PTCHD4: variants seen among roughly 807,000 people sequenced by gnomAD.
PTCHD4 encodes the protein patched domain-containing protein 4.
Under a neutral mutation model 58.1 loss-of-function variants are expected in PTCHD4, and 33 were observed. The observed-to-expected ratio is 0.57, with a 90% CI of 0.43 to 0.76. The LOEUF (loss-of-function observed/expected upper bound fraction) is 0.76, where lower values mean the gene tolerates loss of function less well. Among genes scored for constraint, PTCHD4 ranks in the 30% least tolerant of loss-of-function variants. The pLI is 0.00. For missense variants in PTCHD4, 1,058 were observed against 1,027.1 expected (o/e 1.03, Z -0.41); for synonymous variants, 478 against 409.6 (o/e 1.17, Z -2.02).
chr6:48,074,304 T>C (rs1765023492), intron 1 of PTCHD4, among the ~76,000 whole-genome samples: 1 of 152,202 alleles, frequency 6.6e-6, no homozygotes, highest in Non-Finnish European at 1.5e-5. Context: ...ATAGAGCTGG[T>C]TAATTTAGAG....
In PTCHD4 at chr6:48,094,798, G is replaced by T. The variant is rs531433673; in HGVS notation, c.-970+16251C>A. Among the ~76,000 whole-genome samples, 5 of 152,262 alleles carry T rather than the reference G, an allele frequency of 3.3e-5. No individual in the cohort carries two copies. In the South Asian group the frequency reaches 1.0e-3, roughly 32 times the overall value. Reference sequence around the variant, plus strand: ...ATGGTTTCTCTTCCTTGAAATCTCAGCAGGTTAGAGGAAGAAGTGACTTTA... The same window carrying T: ...ATGGTTTCTCTTCCTTGAAATCTCATCAGGTTAGAGGAAGAAGTGACTTTA... On this transcript the variant is annotated intron_variant, in intron 1 of 4. Transcript: ENST00000339488.
At chr6:48,024,275 G>C (rs1162371123) in intron 3 of PTCHD4, among the ~76,000 whole-genome samples, 1 of 151,916 alleles carries the variant, frequency 6.6e-6, no homozygotes, top group East Asian at 1.9e-4. Flanking sequence ...TCAACCCTCA[G>C]CTTACATTAC....
At chr6:48,106,631 G>A (rs572533112) in intron 1 of PTCHD4, among the ~76,000 whole-genome samples, 1 of 152,200 alleles carries the variant, frequency 6.6e-6, no homozygotes, top group Admixed American at 6.5e-5. Context: ...GAAATAAAGG[G>A]CATTCAATTA....
At chr6:48,001,507 G>T (rs1768721173) in intron 4 of PTCHD4, among the ~76,000 whole-genome samples, 1 of 152,212 alleles carries the variant, frequency 6.6e-6, no homozygotes. Flanking sequence ...AAGAACTGGG[G>T]AAAGGATTCC....
At chr6:48,058,567 A>G (rs1302261675) in intron 3 of PTCHD4, among the ~76,000 whole-genome samples, 1 of 152,204 alleles carries the variant, frequency 6.6e-6, no homozygotes. Flanking sequence ...AAAAAAAATT[A>G]TTAAAAAATA....
intron 4 of PTCHD4, among the ~76,000 whole-genome samples, chr6:47,931,716 T>C (rs573488421): frequency 6.6e-6 from 1 of 152,296 alleles, no homozygotes; most frequent in African/African-American, 2.4e-5. Flanking sequence ...AATAAACATA[T>C]AGATTCTTCC....
intron 4 of PTCHD4, among the ~76,000 whole-genome samples, chr6:47,976,049 T>G (rs1464305554): frequency 6.6e-6 from 1 of 152,216 alleles, no homozygotes; most frequent in Non-Finnish European, 1.5e-5. Flanking sequence ...ATTGCTTATG[T>G]TTTCTGCTTT....
intron 4 of PTCHD4, among the ~76,000 whole-genome samples, chr6:48,003,273 T>C (rs966647556): frequency 6.6e-6 from 1 of 152,238 alleles, no homozygotes; most frequent in African/African-American, 2.4e-5. Context: ...ACCTGATCTA[T>C]GTACTGTGTT....
intron 1 of PTCHD4, among the ~76,000 whole-genome samples, chr6:48,104,857 G>A (rs1044338982): frequency 5.3e-5 from 8 of 152,078 alleles, no homozygotes; most frequent in Non-Finnish European, 8.8e-5. Context: ...GACAAAGAAG[G>A]CCATTACATA....
intron 3 of PTCHD4, among the ~76,000 whole-genome samples, chr6:48,049,822 T>C (rs1764167805): frequency 1.3e-5 from 2 of 151,992 alleles, no homozygotes; most frequent in African/African-American, 4.8e-5. Flanking sequence ...ACTCCATAAA[T>C]GTTTATTCAC....
intron 4 of PTCHD4, among the ~76,000 whole-genome samples, chr6:47,997,523 C>T (rs1020684591): frequency 2.0e-5 from 3 of 152,110 alleles, no homozygotes; most frequent in Admixed American, 6.6e-5. Context: ...TGGACCTAGT[C>T]TTATTTCCAT....
chr6:47,882,741 G>GAGATATATATATAT lies in PTCHD4; in HGVS notation c.899-2806_899-2805insATATATATATATCT, dbSNP rs143060584. ...TGAATCCATTTCTAATGATTCCAGT[G>GAGATATATATATAT]ATATATATATATATATTCCTTAAAT... On this transcript the variant is annotated intron_variant, in intron 4 of 4. Coordinates refer to ENST00000339488, the MANE Select transcript of PTCHD4 (RefSeq NM_001384253.1). 1.4e-3 allele frequency among the ~76,000 whole-genome samples: 141 copies of GAGATATATATATAT among 102,440 alleles called. 4 individuals are homozygous for GAGATATATATATAT. Among genetic ancestry groups the GAGATATATATATAT allele is most frequent in the African/African-American group, 3.7e-3 (117 of 31,584 alleles). The allele number at this position is 102,440 out of a possible 152,430, so 67.2% of individuals were successfully genotyped here.
chr6:48,020,083 C>T (rs1210696474), intron 3 of PTCHD4, among the ~76,000 whole-genome samples: 1 of 152,046 alleles, frequency 6.6e-6, no homozygotes, highest in Non-Finnish European at 1.5e-5. Context: ...GAGATGGACA[C>T]TGGCAGTGAA....
intron 4 of PTCHD4, among the ~76,000 whole-genome samples, chr6:47,924,056 C>T (rs985085918): frequency 2.6e-5 from 4 of 152,186 alleles, no homozygotes; most frequent in Admixed American, 1.3e-4. Context: ...ATATTTCTAC[C>T]TGTCTGGGCT....
chr6:48,098,485 C>T (rs927587570), intron 1 of PTCHD4, among the ~76,000 whole-genome samples: 1 of 151,976 alleles, frequency 6.6e-6, no homozygotes, highest in African/African-American at 2.4e-5. Flanking sequence ...ATTACAGGTG[C>T]TCACCACCAT....
intron 1 of PTCHD4, among the ~76,000 whole-genome samples, chr6:48,101,068 A>G: frequency 6.6e-6 from 1 of 152,150 alleles, no homozygotes; most frequent in Non-Finnish European, 1.5e-5. Flanking sequence ...AGAAAAAAGA[A>G]AAAAGAAAAA....
intron 3 of PTCHD4, among the ~76,000 whole-genome samples, chr6:48,057,489 A>G (rs1193933034): frequency 6.6e-6 from 1 of 152,238 alleles, no homozygotes; most frequent in Non-Finnish European, 1.5e-5. Context: ...GATTCACTGT[A>G]CATTTATAAC....
intron 4 of PTCHD4, among the ~76,000 whole-genome samples, chr6:47,982,958 A>C (rs1767939643): frequency 6.6e-6 from 1 of 152,354 alleles, no homozygotes; most frequent in Admixed American, 6.5e-5. Context: ...AATAACGTTG[A>C]AATTTTTTAA....
At chr6:47,985,033 T>C (rs1472513595) in intron 4 of PTCHD4, among the ~76,000 whole-genome samples, 1 of 152,164 alleles carries the variant, frequency 6.6e-6, no homozygotes, top group Non-Finnish European at 1.5e-5. Flanking sequence ...ATTTCAAATA[T>C]AATTATGACC....
Sources: gnomAD v4.1 joint callset for allele counts (sites outside exome capture counted in the v4.1 genomes callset) on GRCh38, gnomAD v4.1.1 for gene constraint, MANE v1.5 for transcripts, NCBI Gene and HGNC (gene_info 2026-07-23, HGNC 2026-07-21) for gene names.